Variants in AOPEP observed in about 807,000 individuals in gnomAD.
AOPEP encodes the protein aminopeptidase O (putative), also known as aminopeptidase O.
Under a neutral mutation model 98.1 loss-of-function variants are expected in AOPEP, and 77 were observed. That is an observed-to-expected ratio of 0.78 (90% CI 0.65 to 0.95). AOPEP has a LOEUF of 0.95. Ranked by LOEUF, AOPEP falls within the 40% of genes least tolerant of loss-of-function variation. The pLI, the probability that AOPEP is intolerant of heterozygous loss-of-function variation, is 0.00. For missense variants in AOPEP, 1,024 were observed against 1,024.7 expected, an observed-to-expected ratio of 1.00 and a Z score of 0.01; for synonymous variants, 346 against 365.3, an observed-to-expected ratio of 0.95 and a Z score of 0.60.
chr9:95,095,948 T>C, the AOPEP span, among the ~76,000 whole-genome samples: 1 of 152,184 alleles, frequency 6.6e-6, no homozygotes, highest in African/African-American at 2.4e-5. Context: ...AAATGCTTTC[T>C]GCATTTTGGG....
chr9:94,955,319 C>A, intron 8 of AOPEP, 40 bp downstream of exon 8: 1 of 1,340,442 alleles, frequency 7.5e-7, no homozygotes, highest in Non-Finnish European at 1.1e-6. Flanking sequence ...GATTGTGGTG[C>A]AGCACTTTTT....
At chr9:94,798,590 T>G (rs1847546088) in intron 4 of AOPEP, among the ~76,000 whole-genome samples, 1 of 152,204 alleles carries the variant, frequency 6.6e-6, no homozygotes, top group African/African-American at 2.4e-5. Flanking sequence ...ATGACCTTTT[T>G]GCAAAATTGT....
chr9:95,145,460 C>T, the AOPEP span: 9 of 152,162 alleles, frequency 5.9e-5, no homozygotes, highest in Non-Finnish European at 1.0e-4. Context: ...CCAGCTCTCT[C>T]GATAATCTAT....
At position 95,087,107 on chromosome 9, in the gene AOPEP, G is replaced by C. The variant is rs577480479; in HGVS notation, c.*430G>C. 5.4e-6 allele frequency: 1 copy of C among 184,908 alleles called. No homozygotes were observed. The highest frequency in any genetic ancestry group is 2.4e-5 in the African/African-American group (1 of 42,012). 11.5% of individuals were successfully genotyped at this position (184,908 alleles called of 1,614,324 possible). On this transcript the variant is annotated 3_prime_UTR_variant, in exon 17 of 17. Coordinates refer to ENST00000375315, the MANE Select transcript of AOPEP (RefSeq NM_001193329.3). ...CCAGTGGGCGCCATTTAAAAGAACA[G>C]GATGAGAATCTAAGATATATTATTA... is the stretch of plus-strand genomic sequence containing the variant.
At chr9:95,092,038 C>T (rs1394771322), downstream of AOPEP, among the ~76,000 whole-genome samples, 1 of 150,358 alleles carries the variant, frequency 6.7e-6, no homozygotes, top group African/African-American at 2.5e-5. Context: ...GCTGATGGCA[C>T]CAAAAGCCTG....
At position 94,955,888 on chromosome 9, in the gene AOPEP, C is replaced by G; in HGVS notation, c.1765-20C>G. 6.4e-7 allele frequency: 1 copy of G among 1,562,320 alleles called. No homozygotes were observed. Among genetic ancestry groups the G allele is most frequent in the African/African-American group, 1.4e-5 (1 of 73,226 alleles). ...ACTCATGGTAGGCCTCTTTTTCTCT[C>G]TCTTTTTTCTTTCTTCTAGGGCTAC... On this transcript the variant is annotated intron_variant, in intron 8 of 16. Transcript: ENST00000375315.
Position 94,908,513 on chromosome 9 carries a change from G to A in AOPEP, c.1365-15473G>A, listed in dbSNP as rs550365542. 6.4e-4 allele frequency among the ~76,000 whole-genome samples: 98 copies of A among 152,278 alleles called. 1 individual carries two copies. The highest frequency in any genetic ancestry group is 1.2e-3 in the Non-Finnish European group (80 of 68,024). On this transcript the variant is annotated intron_variant, in intron 5 of 16. Coordinates refer to ENST00000375315, the MANE Select transcript of AOPEP (RefSeq NM_001193329.3). ...AGGGAAAAGGGAGCTAACATTTGTG[G>A]GATGTTTGCTGCGTGCCAGGTACTG... is the stretch of plus-strand genomic sequence containing the variant.
chr9:94,763,848 C>A (rs1423589536), intron 2 of AOPEP, among the ~76,000 whole-genome samples: 1 of 152,118 alleles, frequency 6.6e-6, no homozygotes, highest in Non-Finnish European at 1.5e-5. Context: ...AGCCATTAGT[C>A]CAGCTGATGT....
At chr9:95,020,565 A>G (rs927583902) in intron 13 of AOPEP, among the ~76,000 whole-genome samples, 1 of 151,968 alleles carries the variant, frequency 6.6e-6, no homozygotes, top group Non-Finnish European at 1.5e-5. Context: ...ATTATTTGAC[A>G]TTTTTGTGAT....
At chr9:95,111,580 A>G in the AOPEP span, 1 of 1,614,178 alleles carries the variant, frequency 6.2e-7, no homozygotes, top group African/African-American at 1.3e-5. Context: ...CCACCATCTC[A>G]GCCCATCCTC....
the AOPEP span, among the ~76,000 whole-genome samples, chr9:95,106,579 C>T: frequency 3.3e-5 from 5 of 152,130 alleles, no homozygotes; most frequent in Admixed American, 1.3e-4. Context: ...TGACTTGGAC[C>T]GTTTTTTACC....
intron 13 of AOPEP, among the ~76,000 whole-genome samples, chr9:95,054,786 C>T (rs1345087356): frequency 6.6e-6 from 1 of 152,116 alleles, no homozygotes; most frequent in Non-Finnish European, 1.5e-5. Context: ...ATTTTCTTTC[C>T]AAAATTTGTT....
intron 5 of AOPEP, among the ~76,000 whole-genome samples, chr9:94,888,294 C>CGTGTGT (rs59342995): frequency 0.15 from 20,290 of 137,440 alleles, 1,719 homozygotes; most frequent in Middle Eastern, 0.21. Context: ...AGAACCTTAC[C>CGTGTGT]GTGTGTGTGT....
At chr9:95,110,724 AC>A in the AOPEP span, 438 of 750,556 alleles carry the variant, frequency 5.8e-4, no homozygotes, top group Non-Finnish European at 6.6e-4. Flanking sequence ...GTCCTCTTTA[AC>A]TACTAAGATC....
chr9:94,992,174 C>T (rs1158116979), intron 11 of AOPEP, among the ~76,000 whole-genome samples: 3 of 152,206 alleles, frequency 2.0e-5, no homozygotes, highest in Non-Finnish European at 2.9e-5. Context: ...TCTCACAGGT[C>T]AGGGTAACTG....
intron 14 of AOPEP, among the ~76,000 whole-genome samples, chr9:95,071,739 C>T (rs1243613270): frequency 6.6e-6 from 1 of 152,004 alleles, no homozygotes; most frequent in East Asian, 1.9e-4. Flanking sequence ...CTGCTCAGGC[C>T]CTTGTGAATG....
At chr9:95,067,943 T>C (rs944312021) in intron 14 of AOPEP, among the ~76,000 whole-genome samples, 1 of 152,234 alleles carries the variant, frequency 6.6e-6, no homozygotes, top group Non-Finnish European at 1.5e-5. Context: ...ATATTTGGTC[T>C]TTTGTGACTG....
intron 14 of AOPEP, among the ~76,000 whole-genome samples, 200 bp from the exon 15 acceptor site, chr9:95,080,494 T>C (rs138647997): frequency 1.3e-5 from 2 of 152,164 alleles, no homozygotes; most frequent in Non-Finnish European, 2.9e-5. Flanking sequence ...CCAGCCTGGG[T>C]GACAGAGCGA....
chr9:95,061,681 G>A (rs1564588795), intron 14 of AOPEP, among the ~76,000 whole-genome samples: 1 of 152,140 alleles, frequency 6.6e-6, no homozygotes, highest in Non-Finnish European at 1.5e-5. Flanking sequence ...AAATATTATT[G>A]TAATGAATTT....
Sources: gnomAD v4.1 joint callset for allele counts (sites outside exome capture counted in the v4.1 genomes callset) on GRCh38, gnomAD v4.1.1 for gene constraint, MANE v1.5 for transcripts, NCBI Gene and HGNC (gene_info 2026-07-23, HGNC 2026-07-21) for gene names.